Variants in CFAP299 observed in about 807,000 individuals in gnomAD.
CFAP299 encodes the protein cilia- and flagella-associated protein 299.
In CFAP299, 21 loss-of-function variants were observed where a neutral mutation model predicts 27.0. The ratio of observed to expected loss-of-function variants is 0.78; its 90% CI spans 0.55 to 1.12. CFAP299 has a LOEUF of 1.12. CFAP299 is among the 50% of genes most tolerant of loss of function. The probability of loss-of-function intolerance (pLI) is 0.00; values close to 1 mark genes in which losing one functional copy is unlikely to be tolerated. For missense variants in CFAP299, 310 were observed against 276.6 expected (o/e 1.12, Z -0.86); for synonymous variants, 104 against 98.1 (o/e 1.06, Z -0.36).
chr4:80,711,861 ACC>A (rs1722193960), intron 3 of CFAP299, among the ~76,000 whole-genome samples: 1 of 152,164 alleles, frequency 6.6e-6, no homozygotes, highest in African/African-American at 2.4e-5. Flanking sequence ...GAGACATTTC[ACC>A]CAAACATTGT....
At position 80,397,075 on chromosome 4, in the gene CFAP299, T is replaced by A. The variant is rs1417219296; in HGVS notation, c.242+34191T>A. ...ATTTCAGAGCCTGTTATTGGTCTAT[T>A]CGGGGATTCAACTTCTTCCTGGTTT... On this transcript the variant is annotated intron_variant, in intron 2 of 5. Coordinates refer to ENST00000358105, the MANE Select transcript of CFAP299 (RefSeq NM_152770.3). Among the ~76,000 whole-genome samples the A allele has an allele frequency of 5.3e-5, 8 of 149,672 alleles. 2 individuals are homozygous for A. The highest frequency in any genetic ancestry group is 2.0e-4 in the African/African-American group (8 of 40,940).
At chr4:80,747,975 A>G (rs768487479) in intron 3 of CFAP299, among the ~76,000 whole-genome samples, 6 of 152,040 alleles carry the variant, frequency 3.9e-5, no homozygotes, top group Non-Finnish European at 7.4e-5. Flanking sequence ...TACAAACCCA[A>G]TTGGCTAAGT....
chr4:80,340,319 G>A (rs945374071), intron 1 of CFAP299, among the ~76,000 whole-genome samples: 16 of 152,160 alleles, frequency 1.1e-4, no homozygotes, highest in Admixed American at 3.3e-4. Context: ...GATCCCCTCA[G>A]GAGGCCACTT....
rs1387476651 is a variant in CFAP299, at chr4:80,616,270, A to G, written c.333+33087A>G. ...GTTTGCTCCAAAATATGCAAAATAG[A>G]TAATTTTTGAAGCTGAACTTATTGG... On this transcript the variant is annotated intron_variant, in intron 3 of 5. Coordinates refer to ENST00000358105, the MANE Select transcript of CFAP299 (RefSeq NM_152770.3). 3.3e-5 allele frequency among the ~76,000 whole-genome samples: 5 copies of G among 152,240 alleles called. 1 individual carries two copies. The South Asian group carries it at 1.0e-3, about 32-fold the overall frequency.
intron 2 of CFAP299, among the ~76,000 whole-genome samples, chr4:80,380,294 A>G (rs775393049): frequency 6.6e-6 from 1 of 152,132 alleles, no homozygotes; most frequent in Non-Finnish European, 1.5e-5. Flanking sequence ...ATAAATTTAC[A>G]GAGAAAACTA....
chr4:80,814,335 A>T (rs2110119082), intron 3 of CFAP299, among the ~76,000 whole-genome samples: 1 of 152,192 alleles, frequency 6.6e-6, no homozygotes, highest in African/African-American at 2.4e-5. Context: ...TGCTCTGAAA[A>T]TGTACTTGAT....
chr4:80,768,443 ATTTTAT>A (rs1726023764), intron 3 of CFAP299, among the ~76,000 whole-genome samples: 1 of 152,214 alleles, frequency 6.6e-6, no homozygotes, highest in African/African-American at 2.4e-5. Context: ...TTTACAAAAC[ATTTTAT>A]TTTTAACTAA....
intron 2 of CFAP299, among the ~76,000 whole-genome samples, chr4:80,441,019 A>G (rs1202189882): frequency 6.6e-6 from 1 of 152,214 alleles, no homozygotes; most frequent in Non-Finnish European, 1.5e-5. Context: ...AAAGAATGAA[A>G]AGGGATGAAC....
chr4:80,411,732 A>T (rs1726732462), intron 2 of CFAP299, among the ~76,000 whole-genome samples: 1 of 152,094 alleles, frequency 6.6e-6, no homozygotes, highest in Non-Finnish European at 1.5e-5. Flanking sequence ...AGGTGTCAAG[A>T]GCCCTTGAAT....
intron 3 of CFAP299, among the ~76,000 whole-genome samples, chr4:80,789,761 C>G (rs1028788568): frequency 6.6e-6 from 1 of 151,920 alleles, no homozygotes; most frequent in Non-Finnish European, 1.5e-5. Context: ...GACCGCAATT[C>G]CAGTATTGAC....
chr4:80,526,502 TG>T (rs1733181843), intron 2 of CFAP299, among the ~76,000 whole-genome samples: 1 of 152,286 alleles, frequency 6.6e-6, no homozygotes, highest in East Asian at 1.9e-4. Flanking sequence ...TCATCTTCGA[TG>T]TTTTTTTCTT....
chr4:80,335,181 G>C (rs1722073319), upstream of CFAP299, among the ~76,000 whole-genome samples: 1 of 152,152 alleles, frequency 6.6e-6, no homozygotes, highest in Non-Finnish European at 1.5e-5. Flanking sequence ...ATAAGTGCAA[G>C]AACTTGGTGC....
chr4:80,531,624 T>C (rs1437321520), intron 2 of CFAP299, among the ~76,000 whole-genome samples: 1 of 152,220 alleles, frequency 6.6e-6, no homozygotes, highest in Non-Finnish European at 1.5e-5. Context: ...TTATGCCCTT[T>C]ATTGAAAATA....
At chr4:80,496,581 T>A (rs1454954941) in intron 2 of CFAP299, among the ~76,000 whole-genome samples, 1 of 152,262 alleles carries the variant, frequency 6.6e-6, no homozygotes, top group Non-Finnish European at 1.5e-5. Flanking sequence ...TCTTCCTAGC[T>A]TCTGAGCTCT....
chr4:80,390,610 C>CATATATGTATATATGTAT (rs1416961189), intron 2 of CFAP299, among the ~76,000 whole-genome samples: 1 of 28,686 alleles, frequency 3.5e-5, no homozygotes, highest in African/African-American at 1.2e-4. Flanking sequence ...TGTATACACA[C>CATATATGTATATATGTAT]ATATGTATAT....
chr4:80,844,261 A>G (rs984781539), intron 3 of CFAP299, among the ~76,000 whole-genome samples: 3 of 152,138 alleles, frequency 2.0e-5, no homozygotes, highest in South Asian at 4.1e-4. Flanking sequence ...TCCTTTGGGT[A>G]TATACCTAGT....
chr4:80,844,634 A>T (rs1474416270), intron 3 of CFAP299, among the ~76,000 whole-genome samples: 1 of 151,822 alleles, frequency 6.6e-6, no homozygotes, highest in African/African-American at 2.4e-5. Context: ...GTTTGAGTTC[A>T]TTGTAGATTC....
At chr4:80,933,329 T>C (rs1034254961) in intron 4 of CFAP299, among the ~76,000 whole-genome samples, 4 of 152,076 alleles carry the variant, frequency 2.6e-5, no homozygotes, top group African/African-American at 2.4e-5. Flanking sequence ...CTAGCAACCA[T>C]CAATCTACTC....
rs117532574 is a variant in CFAP299, at chr4:80,462,894, A to C, written c.242+100010A>C. ...GGAAATTTTAGGGGATTTTTAAAAA[A>C]AATCATATTACTTCAGTCTAGAATA... On this transcript the variant is annotated intron_variant, in intron 2 of 5. Coordinates refer to ENST00000358105, the MANE Select transcript of CFAP299 (RefSeq NM_152770.3). Among the ~76,000 whole-genome samples the C allele has an allele frequency of 2.1e-3, 327 of 152,324 alleles. 5 individuals are homozygous for C. In the East Asian group the frequency reaches 0.052, roughly 24 times the overall value.
Sources: allele counts gnomAD v4.1 joint callset (sites outside exome capture counted in the v4.1 genomes callset), GRCh38; gene constraint gnomAD v4.1.1; transcripts MANE v1.5; gene names NCBI Gene and HGNC (gene_info 2026-07-23, HGNC 2026-07-21).